SBF2: variants seen among roughly 807,000 people sequenced by gnomAD.
The protein encoded by SBF2 is myotubularin-related protein 13.
In SBF2, 112 loss-of-function variants were observed where a neutral mutation model predicts 225.2. That is an observed-to-expected ratio of 0.50 (90% CI 0.43 to 0.58). SBF2 has a LOEUF of 0.58. SBF2 is among the 20% of genes least tolerant of loss of function. SBF2 has a pLI of 0.00. For missense variants in SBF2, 1,996 were observed against 2,206.2 expected (o/e 0.90, Z 1.91); for synonymous variants, 763 against 773.3 (o/e 0.99, Z 0.22).
chr11:10,102,790 G>A (rs979781869), intron 2 of SBF2, among the ~76,000 whole-genome samples: 6 of 152,096 alleles, frequency 3.9e-5, no homozygotes, highest in African/African-American at 1.4e-4. Context: ...GGTTTTCTTA[G>A]AAAATTTATC....
intron 19 of SBF2, 25 bp downstream of exon 19, chr11:9,856,433 G>C (rs1478077912): frequency 6.2e-7 from 1 of 1,612,814 alleles, no homozygotes; most frequent in South Asian, 1.1e-5. Context: ...GTAGGAGGAG[G>C]GTCTGTGTGT....
At chr11:10,294,311 C>T (rs371833914), upstream of SBF2, 48 of 344,696 alleles carry the variant, frequency 1.4e-4, no homozygotes, top group East Asian at 1.6e-3. Flanking sequence ...CCACCTCCAC[C>T]CTCCGCGGGC....
chr11:10,177,405 CCT>C (rs1956517164), intron 2 of SBF2, among the ~76,000 whole-genome samples: 1 of 148,178 alleles, frequency 6.7e-6, no homozygotes, highest in Non-Finnish European at 1.5e-5. Context: ...TCAAATTGTC[CCT>C]GTTTGCAGAC....
At chr11:10,050,632 T>C (rs1950026344) in intron 2 of SBF2, among the ~76,000 whole-genome samples, 1 of 152,160 alleles carries the variant, frequency 6.6e-6, no homozygotes, top group African/African-American at 2.4e-5. Context: ...TGTGAGATGA[T>C]TTAATGCCTC....
At chr11:10,245,905 C>A (rs556657723) in intron 1 of SBF2, among the ~76,000 whole-genome samples, 1 of 152,232 alleles carries the variant, frequency 6.6e-6, no homozygotes, top group South Asian at 2.1e-4. Flanking sequence ...AGGACAAATA[C>A]CATTTATAGG....
At chr11:9,807,865 T>C in intron 32 of SBF2, 135 bp downstream of exon 32, 2 of 837,184 alleles carry the variant, frequency 2.4e-6, no homozygotes, top group Non-Finnish European at 3.9e-6. Flanking sequence ...CTGCTAAGAT[T>C]TCAGCATGTC....
chr11:9,928,934 C>A, intron 16 of SBF2: 1 of 427,452 alleles, frequency 2.3e-6, no homozygotes, highest in South Asian at 1.9e-5. Flanking sequence ...AAGCAATTTT[C>A]TTGTTCGAGT....
At chr11:9,987,867 C>T (rs970563787) in intron 13 of SBF2, among the ~76,000 whole-genome samples, 8 of 152,138 alleles carry the variant, frequency 5.3e-5, no homozygotes, top group Admixed American at 4.6e-4. Context: ...AAATTCAATG[C>T]AATCCTCATC....
intron 1 of SBF2, among the ~76,000 whole-genome samples, chr11:10,250,236 T>C (rs1406755370): frequency 2.6e-5 from 4 of 152,228 alleles, no homozygotes; most frequent in African/African-American, 7.2e-5. Context: ...TGTTTAGATA[T>C]ACAATTTGAA....
At chr11:10,258,459 C>T (rs1053458446) in intron 1 of SBF2, among the ~76,000 whole-genome samples, 11 of 152,170 alleles carry the variant, frequency 7.2e-5, no homozygotes, top group Admixed American at 7.2e-4. Flanking sequence ...AATTATTTAG[C>T]TGAAGTTACC....
intron 1 of SBF2, among the ~76,000 whole-genome samples, chr11:10,224,096 T>C (rs1046239522): frequency 6.6e-6 from 1 of 152,178 alleles, no homozygotes; most frequent in South Asian, 2.1e-4. Flanking sequence ...GATAGACTAG[T>C]ATCTACTTAT....
chr11:10,023,180 T>C (rs1464726393), intron 6 of SBF2, among the ~76,000 whole-genome samples: 1 of 152,202 alleles, frequency 6.6e-6, no homozygotes, highest in Non-Finnish European at 1.5e-5. Flanking sequence ...GATAAATTGT[T>C]CTTTATCATA....
chr11:10,142,956 C>T (rs563313542), intron 2 of SBF2, among the ~76,000 whole-genome samples: 4 of 152,272 alleles, frequency 2.6e-5, no homozygotes, highest in Middle Eastern at 6.8e-3. Context: ...GTAATTGACA[C>T]ACTCTTAGGG....
At chr11:9,793,587 G>C (rs1276127069) in intron 33 of SBF2, among the ~76,000 whole-genome samples, 1 of 152,000 alleles carries the variant, frequency 6.6e-6, no homozygotes, top group Non-Finnish European at 1.5e-5. Context: ...ATGGGGTTTC[G>C]CCGTGTTGGC....
At chr11:10,294,366 C>T (rs1964395627), upstream of SBF2, among the ~76,000 whole-genome samples, 1 of 151,974 alleles carries the variant, frequency 6.6e-6, no homozygotes, top group African/African-American at 2.4e-5. Flanking sequence ...GGGCGTGTTC[C>T]CGCCACGCGC....
intron 17 of SBF2, among the ~76,000 whole-genome samples, chr11:9,877,284 GAAGT>G (rs1295355713): frequency 1.3e-5 from 2 of 152,168 alleles, no homozygotes; most frequent in African/African-American, 2.4e-5. Flanking sequence ...TGTATTATAT[GAAGT>G]AAGTTCCTGT....
At chr11:9,833,482 A>G (rs551720624) in intron 26 of SBF2, among the ~76,000 whole-genome samples, 340 of 142,984 alleles carry the variant, frequency 2.4e-3, no homozygotes, top group Non-Finnish European at 2.7e-3. Flanking sequence ...GTGCAGTGGC[A>G]CGATCTCGGC....
At chr11:10,001,858 A>C (rs1482646159) in intron 7 of SBF2, among the ~76,000 whole-genome samples, 1 of 152,190 alleles carries the variant, frequency 6.6e-6, no homozygotes, top group African/African-American at 2.4e-5. Flanking sequence ...TCTGGAGTCT[A>C]AAATTTTATC....
At chr11:10,089,612 T>G (rs1165992771) in intron 2 of SBF2, among the ~76,000 whole-genome samples, 1 of 152,146 alleles carries the variant, frequency 6.6e-6, no homozygotes, top group South Asian at 2.1e-4. Flanking sequence ...ATTGTATGTA[T>G]ACAGGGTAGT....
Sources: gnomAD v4.1 joint callset for allele counts (sites outside exome capture counted in the v4.1 genomes callset) on GRCh38, gnomAD v4.1.1 for gene constraint, MANE v1.5 for transcripts, NCBI Gene and HGNC (gene_info 2026-07-23, HGNC 2026-07-21) for gene names.